The following PDZD2 variants were observed in gnomAD, a reference collection of about 807,000 sequenced individuals.
The protein encoded by PDZD2 is PDZ domain containing 2, also known as PDZ domain-containing protein 2.
Under a neutral mutation model 220.7 loss-of-function variants are expected in PDZD2, and 90 were observed. That is an observed-to-expected ratio of 0.41 (90% CI 0.34 to 0.49). PDZD2 has a LOEUF of 0.49. Ranked by LOEUF, PDZD2 falls within the 20% of genes least tolerant of loss-of-function variation. The pLI is 0.28. For missense variants in PDZD2, 3,174 were observed against 3,608.5 expected, an observed-to-expected ratio of 0.88 and a Z score of 3.08; for synonymous variants, 1,375 against 1,450.5, an observed-to-expected ratio of 0.95 and a Z score of 1.18.
intron 2 of PDZD2, among the ~76,000 whole-genome samples, chr5:31,919,399 TGCG>T (rs1743985780): frequency 6.7e-6 from 1 of 149,214 alleles, no homozygotes; most frequent in Non-Finnish European, 1.5e-5. Context: ...TAGGCTAGAG[TGCG>T]GCGGTACGAT....
chr5:31,664,040 T>C (rs1451212417), intron 1 of PDZD2, among the ~76,000 whole-genome samples: 1 of 152,156 alleles, frequency 6.6e-6, no homozygotes, highest in Non-Finnish European at 1.5e-5. Flanking sequence ...TACTAGGCGG[T>C]GATGATATAG....
chr5:31,958,487 C>G (rs1204699959), intron 2 of PDZD2, among the ~76,000 whole-genome samples: 2 of 152,142 alleles, frequency 1.3e-5, no homozygotes, highest in African/African-American at 4.8e-5. Flanking sequence ...CTCCTGACCT[C>G]AAGTGATCCA....
intron 2 of PDZD2, among the ~76,000 whole-genome samples, chr5:31,923,821 G>A (rs1020056786): frequency 1.1e-4 from 16 of 152,226 alleles, no homozygotes; most frequent in African/African-American, 3.9e-4. Flanking sequence ...GCCTGGACAA[G>A]CACAACATCA....
intron 2 of PDZD2, among the ~76,000 whole-genome samples, chr5:31,962,373 G>T (rs1748325912): frequency 1.3e-5 from 2 of 152,188 alleles, no homozygotes; most frequent in Non-Finnish European, 2.9e-5. Context: ...CTTTAGGGAA[G>T]TTGGACAGGA....
At chr5:31,962,201 T>G (rs186334305) in intron 2 of PDZD2, among the ~76,000 whole-genome samples, 1 of 152,298 alleles carries the variant, frequency 6.6e-6, no homozygotes, top group East Asian at 1.9e-4. Flanking sequence ...TAAGAAATAG[T>G]GTTGACATTT....
At chr5:31,794,045 G>C (rs1335809010) in intron 1 of PDZD2, among the ~76,000 whole-genome samples, 1 of 151,988 alleles carries the variant, frequency 6.6e-6, no homozygotes, top group African/African-American at 2.4e-5. Flanking sequence ...CATGTGCAGG[G>C]AGTTTTAGTT....
At chr5:32,007,419 C>T (rs928427952) in intron 5 of PDZD2, among the ~76,000 whole-genome samples, 5 of 151,106 alleles carry the variant, frequency 3.3e-5, no homozygotes, top group Admixed American at 3.3e-4. Context: ...TTCGGTTAAT[C>T]TAGCAGAAGT....
chr5:31,734,249 T>C (rs567464189), intron 1 of PDZD2, among the ~76,000 whole-genome samples: 32 of 152,142 alleles, frequency 2.1e-4, no homozygotes, highest in Admixed American at 3.9e-4. Context: ...GGTGTTCCAC[T>C]CTCCTAAAAA....
intron 1 of PDZD2, among the ~76,000 whole-genome samples, chr5:31,676,840 T>C (rs1406596205): frequency 2.0e-5 from 3 of 151,972 alleles, no homozygotes; most frequent in Admixed American, 6.6e-5. Context: ...AGGTGTGAGC[T>C]ACCACGGCCG....
At chr5:32,093,748 C>T (rs1209615026) in intron 21 of PDZD2, among the ~76,000 whole-genome samples, 4 of 152,090 alleles carry the variant, frequency 2.6e-5, no homozygotes, top group South Asian at 2.1e-4. Context: ...GAGGCCAAGG[C>T]GGGCAGATCA....
intron 1 of PDZD2, among the ~76,000 whole-genome samples, chr5:31,771,388 G>A (rs1184754113): frequency 1.3e-5 from 2 of 152,170 alleles, no homozygotes; most frequent in African/African-American, 2.4e-5. Context: ...GGGGCACTGG[G>A]TTTATTAAAG....
intron 2 of PDZD2, among the ~76,000 whole-genome samples, chr5:31,880,725 AG>A (rs771340930): frequency 2.6e-5 from 4 of 151,378 alleles, no homozygotes; most frequent in Non-Finnish European, 4.4e-5. Context: ...CTGGCAGCCA[AG>A]TCGGGTAAAC....
chr5:32,012,407 G>A (rs139964322), intron 6 of PDZD2, among the ~76,000 whole-genome samples: 2,152 of 152,024 alleles, frequency 0.014, 39 homozygotes, highest in Admixed American at 0.058. Context: ...TTTTAGAGAC[G>A]GAGTCTTGCT....
At chr5:31,779,272 G>A (rs1752913402) in intron 1 of PDZD2, among the ~76,000 whole-genome samples, 1 of 152,024 alleles carries the variant, frequency 6.6e-6, no homozygotes, top group African/African-American at 2.4e-5. Context: ...CCACAGGACT[G>A]GGCTTGTGTA....
intron 1 of PDZD2, among the ~76,000 whole-genome samples, chr5:31,786,052 G>A (rs185140128): frequency 3.3e-5 from 5 of 152,210 alleles, no homozygotes; most frequent in Admixed American, 1.3e-4. Flanking sequence ...GTCAGCTGAG[G>A]ATTCTTGTTC....
At chr5:31,988,969 T>C (rs1018355955) in intron 3 of PDZD2, among the ~76,000 whole-genome samples, 2 of 152,196 alleles carry the variant, frequency 1.3e-5, no homozygotes, top group African/African-American at 4.8e-5. Flanking sequence ...CTGGTCTTCA[T>C]TCATGCCCGA....
chr5:31,865,197 A>T (rs185691573), intron 2 of PDZD2, among the ~76,000 whole-genome samples: 1 of 152,144 alleles, frequency 6.6e-6, no homozygotes, highest in African/African-American at 2.4e-5. Flanking sequence ...CCAATAGATT[A>T]TGAGTCCTGG....
chr5:31,903,320 T>TA (rs1056816531), intron 2 of PDZD2, among the ~76,000 whole-genome samples: 1 of 151,250 alleles, frequency 6.6e-6, no homozygotes, highest in South Asian at 2.1e-4. Context: ...AAAATTAAAA[T>TA]AAAAAAATAT....
intron 16 of PDZD2, among the ~76,000 whole-genome samples, chr5:32,071,737 T>C (rs1740768897): frequency 6.6e-6 from 1 of 152,190 alleles, no homozygotes; most frequent in Non-Finnish European, 1.5e-5. Flanking sequence ...CCACGCAATC[T>C]TCCTCAGCTA....
Sources: gnomAD v4.1 joint callset for allele counts (sites outside exome capture counted in the v4.1 genomes callset) on GRCh38, gnomAD v4.1.1 for gene constraint, MANE v1.5 for transcripts, NCBI Gene and HGNC (gene_info 2026-07-23, HGNC 2026-07-21) for gene names.